CTNNA2: variants seen among roughly 807,000 people sequenced by gnomAD.
CTNNA2 encodes catenin alpha 2, also known as catenin alpha-2.
A neutral mutation model predicts 101.0 loss-of-function variants in CTNNA2; 42 were observed. The ratio of observed to expected loss-of-function variants is 0.42; its 90% CI spans 0.32 to 0.54. The LOEUF (loss-of-function observed/expected upper bound fraction) is 0.54, where lower values mean the gene tolerates loss of function less well. Among genes scored for constraint, CTNNA2 ranks in the 20% least tolerant of loss-of-function variants. The pLI is 0.14. For synonymous variants in CTNNA2, 450 were observed against 456.4 expected (o/e 0.99, Z 0.18); for missense variants, 871 against 1,223.1 (o/e 0.71, Z 4.29).
At chr2:79,995,088 T>G (rs183260488) in intron 7 of CTNNA2, among the ~76,000 whole-genome samples, 1 of 152,328 alleles carries the variant, frequency 6.6e-6, no homozygotes, top group East Asian at 1.9e-4. Context: ...ACTGCAGTTT[T>G]AGAAGATAAA....
intron 9 of CTNNA2, among the ~76,000 whole-genome samples, chr2:80,540,763 C>G (rs1691484751): frequency 6.6e-6 from 1 of 152,106 alleles, no homozygotes; most frequent in Non-Finnish European, 1.5e-5. Flanking sequence ...GGTGTGATCT[C>G]AGCTCACTGC....
chr2:80,322,812 G>A (rs895214173), intron 7 of CTNNA2, among the ~76,000 whole-genome samples: 3 of 152,066 alleles, frequency 2.0e-5, no homozygotes, highest in African/African-American at 4.8e-5. Flanking sequence ...AAATCAACCA[G>A]GGGCTGCCTC....
chr2:79,859,178 T>C (rs1681387557), intron 4 of CTNNA2, among the ~76,000 whole-genome samples: 1 of 152,080 alleles, frequency 6.6e-6, no homozygotes. Flanking sequence ...AATTGCTCGC[T>C]TGGTTACCCC....
intron 4 of CTNNA2, among the ~76,000 whole-genome samples, chr2:79,433,315 A>G (rs771625338): frequency 2.0e-5 from 3 of 152,184 alleles, no homozygotes; most frequent in Admixed American, 2.0e-4. Flanking sequence ...CTCCACATGG[A>G]CAATTCACTC....
intron 18 of CTNNA2, among the ~76,000 whole-genome samples, chr2:80,627,721 A>G (rs929479199): frequency 6.6e-6 from 1 of 151,984 alleles, no homozygotes; most frequent in African/African-American, 2.4e-5. Flanking sequence ...ATTAGATCCC[A>G]TTTATCTATT....
intron 1 of CTNNA2, among the ~76,000 whole-genome samples, chr2:79,603,983 C>G (rs894982834): frequency 2.6e-4 from 39 of 152,060 alleles, no homozygotes; most frequent in African/African-American, 9.2e-4. Flanking sequence ...GTTGGAGGAC[C>G]CTGACTTGGG....
chr2:79,675,010 T>C (rs1482953231), intron 2 of CTNNA2, among the ~76,000 whole-genome samples: 1 of 152,234 alleles, frequency 6.6e-6, no homozygotes, highest in Admixed American at 6.5e-5. Flanking sequence ...ATATCTTGTA[T>C]GGAACAGTAG....
intron 2 of CTNNA2, among the ~76,000 whole-genome samples, chr2:79,722,480 C>G (rs755619065): frequency 2.6e-5 from 4 of 152,126 alleles, no homozygotes; most frequent in Non-Finnish European, 4.4e-5. Flanking sequence ...TTAGCAATTA[C>G]TTTAGTAATA....
At chr2:80,338,960 A>C (rs1219621751) in intron 7 of CTNNA2, among the ~76,000 whole-genome samples, 1 of 152,228 alleles carries the variant, frequency 6.6e-6, no homozygotes, top group Non-Finnish European at 1.5e-5. Flanking sequence ...CCCTGATTAC[A>C]ATCAGAGCTG....
At chr2:79,669,962 C>G (rs532425125) in intron 2 of CTNNA2, among the ~76,000 whole-genome samples, 224 of 152,184 alleles carry the variant, frequency 1.5e-3, no homozygotes, top group Non-Finnish European at 2.6e-3. Flanking sequence ...TGGGGCCTTA[C>G]TGGGGACCCC....
chr2:79,384,238 C>A (rs2104466017), intron 4 of CTNNA2, among the ~76,000 whole-genome samples: 1 of 152,310 alleles, frequency 6.6e-6, no homozygotes, highest in East Asian at 1.9e-4. Flanking sequence ...GCTTAAACAT[C>A]TCTTTTCTCA....
At chr2:79,596,850 A>G (rs1178337457) in intron 1 of CTNNA2, among the ~76,000 whole-genome samples, 1 of 152,164 alleles carries the variant, frequency 6.6e-6, no homozygotes, top group Non-Finnish European at 1.5e-5. Context: ...GTGCTCTGCT[A>G]TTCTCCAGGG....
At chr2:80,179,195 T>G (rs1055962273) in intron 7 of CTNNA2, among the ~76,000 whole-genome samples, 1 of 152,210 alleles carries the variant, frequency 6.6e-6, no homozygotes, top group Non-Finnish European at 1.5e-5. Context: ...TGTGTTAATT[T>G]GCTCAAGCAA....
chr2:79,744,505 AG>A lies in CTNNA2; in HGVS notation c.224del (p.Gly75ValfsTer19). 6.2e-7 allele frequency: 1 copy of A among 1,614,040 alleles called. No individual in the cohort carries two copies. The highest frequency in any genetic ancestry group is 8.5e-7 in the Non-Finnish European group (1 of 1,179,934). On this transcript the variant is annotated frameshift_variant, in exon 3 of 19. Coordinates refer to ENST00000402739, the MANE Select transcript of CTNNA2 (RefSeq NM_001282597.3). LOFTEE classifies it high-confidence loss of function. ...CAAGCCACTCAGAATTTCCTGGAAA[AG>A]GGTGAACAGATCGCTAAGGAGAGTC... ...VEQATQNFLE[K>X]GEQIAKESQD...
chr2:80,503,617 CT>C (rs1421916303), intron 9 of CTNNA2, among the ~76,000 whole-genome samples: 3 of 152,064 alleles, frequency 2.0e-5, no homozygotes, highest in African/African-American at 7.2e-5. Flanking sequence ...TAATTCAGTG[CT>C]TTAAGTTTCT....
chr2:79,777,891 G>GT lies in CTNNA2; in HGVS notation c.298+33309_298+33310insT, dbSNP rs1558920888. On this transcript the variant is annotated intron_variant, in intron 3 of 18. Transcript: ENST00000402739. The stretch of plus-strand genomic sequence containing the variant: ...ACCAGTCATAGATTTATTTGCATGG[G>GT]GTTTTTTTTTTTTTTTTGTACTTGT... 3.2e-3 allele frequency among the ~76,000 whole-genome samples: 440 copies of GT among 135,738 alleles called. 2 individuals carry two copies. The highest frequency in any genetic ancestry group is 0.012 in the African/African-American group (414 of 33,130). The allele number at this position is 135,738 out of a possible 152,430, so 89.0% of individuals were successfully genotyped here.
intron 16 of CTNNA2, 75 bp from the exon 17 acceptor site, chr2:80,608,109 T>G: frequency 6.9e-7 from 1 of 1,459,040 alleles, no homozygotes; most frequent in Non-Finnish European, 9.3e-7. Flanking sequence ...CTTTTCTTCC[T>G]GCAGCTTTTC....
intron 3 of CTNNA2, among the ~76,000 whole-genome samples, chr2:79,338,409 G>A (rs967944464): frequency 6.6e-6 from 1 of 152,040 alleles, no homozygotes; most frequent in Non-Finnish European, 1.5e-5. Context: ...GGAACTGAAG[G>A]AAAACCAATG....
chr2:79,965,286 G>A (rs1327965672), intron 7 of CTNNA2, among the ~76,000 whole-genome samples: 1 of 152,166 alleles, frequency 6.6e-6, no homozygotes, highest in Non-Finnish European at 1.5e-5. Context: ...CTTGACATAT[G>A]CTAAGCTACA....
Sources: allele counts gnomAD v4.1 joint callset (sites outside exome capture counted in the v4.1 genomes callset), GRCh38; gene constraint gnomAD v4.1.1; transcripts MANE v1.5; gene names NCBI Gene and HGNC (gene_info 2026-07-23, HGNC 2026-07-21).